The following GOSR2 variants were observed in gnomAD, a reference collection of about 807,000 sequenced individuals.
GOSR2 encodes 27 kDa Golgi SNARE protein.
A neutral mutation model predicts 27.9 loss-of-function variants in GOSR2; 20 were observed. The observed-to-expected ratio is 0.72, with a 90% confidence interval of 0.50 to 1.04. The LOEUF (loss-of-function observed/expected upper bound fraction) is 1.04. GOSR2 is among the 50% of genes least tolerant of loss of function. The pLI, the probability that GOSR2 is intolerant of heterozygous loss-of-function variation, is 0.00. For synonymous variants in GOSR2, 91 were observed against 98.8 expected (o/e 0.92, Z 0.47); for missense variants, 261 against 270.5 (o/e 0.97, Z 0.25).
At chr17:46,923,463 G>A in intron 1 of GOSR2, 1 of 1,406,350 alleles carries the variant, frequency 7.1e-7, no homozygotes, top group Non-Finnish European at 9.2e-7. Flanking sequence ...GCAAGTTCGT[G>A]ACTACCTGCT....
At chr17:46,964,203 C>T (rs2091215367) in intron 6 of GOSR2, 1 of 152,196 alleles carries the variant, frequency 6.6e-6, no homozygotes, top group South Asian at 2.1e-4. Flanking sequence ...CAGTTTCACA[C>T]ATGAGAAAAT....
intron 4 of GOSR2, 32 bp from the exon 5 acceptor site, chr17:46,934,997 A>G (rs1341101747): frequency 1.2e-6 from 2 of 1,605,354 alleles, no homozygotes; most frequent in Non-Finnish European, 1.7e-6. Flanking sequence ...CTGATAAGCA[A>G]AGTTAATCAA....
At chr17:46,926,375 G>C (rs550073915) in intron 1 of GOSR2, among the ~76,000 whole-genome samples, 4 of 152,096 alleles carry the variant, frequency 2.6e-5, no homozygotes, top group African/African-American at 9.7e-5. Flanking sequence ...ATGGGGTGGT[G>C]GGGGGCGGTG....
At chr17:46,960,155 C>T (rs527463771) in intron 6 of GOSR2, among the ~76,000 whole-genome samples, 6 of 152,226 alleles carry the variant, frequency 3.9e-5, no homozygotes, top group African/African-American at 1.4e-4. Flanking sequence ...GCTCTCAAAG[C>T]TCAACAATAA....
Position 46,940,880 on chromosome 17 carries a change from A to G in GOSR2, c.*2120A>G, listed in dbSNP as rs1242992995. On this transcript the variant is annotated 3_prime_UTR_variant, in exon 6 of 6. Coordinates refer to ENST00000640051, the MANE Select transcript of GOSR2 (RefSeq NM_004287.5). ...GGGCATTGAGACTGCATGTTGTCAC[A>G]TGACCACTTCTCTTCACACATCTGC... is the stretch of plus-strand genomic sequence containing the variant. 4 of 1,406,948 alleles carry G rather than the reference A, an allele frequency of 2.8e-6. No individual in the cohort carries two copies. Among genetic ancestry groups the G allele is most frequent in the South Asian group, 3.0e-5 (2 of 67,132 alleles). 87.2% of individuals were successfully genotyped at this position (1,406,948 alleles called of 1,614,324 possible).
intron 6 of GOSR2, among the ~76,000 whole-genome samples, chr17:46,958,512 T>C (rs1193016381): frequency 6.6e-6 from 1 of 152,174 alleles, no homozygotes; most frequent in Non-Finnish European, 1.5e-5. Flanking sequence ...CAAGAGCCAC[T>C]GGAAGTAGGA....
chr17:46,924,545 C>T (rs2086203900), intron 1 of GOSR2: 1 of 152,174 alleles, frequency 6.6e-6, no homozygotes, highest in Admixed American at 6.5e-5. Context: ...ATCACACTCC[C>T]AAGGCCTGGA....
chr17:46,928,224 G>A (rs1223567132), intron 1 of GOSR2, among the ~76,000 whole-genome samples: 2 of 152,166 alleles, frequency 1.3e-5, no homozygotes, highest in Non-Finnish European at 2.9e-5. Flanking sequence ...AGCTCACCCA[G>A]CTTCTTTTGG....
At chr17:46,927,482 T>C (rs947725949) in intron 1 of GOSR2, among the ~76,000 whole-genome samples, 1 of 152,256 alleles carries the variant, frequency 6.6e-6, no homozygotes, top group Non-Finnish European at 1.5e-5. Flanking sequence ...AGGTCATTTA[T>C]GCACACCTGT....
At chr17:46,961,560 G>A (rs1288915196) in intron 6 of GOSR2, among the ~76,000 whole-genome samples, 1 of 152,138 alleles carries the variant, frequency 6.6e-6, no homozygotes, top group African/African-American at 2.4e-5. Context: ...CAAATGAAAA[G>A]TGTAGCAACA....
chr17:46,951,880 T>G (rs551420917), intron 6 of GOSR2, among the ~76,000 whole-genome samples: 5 of 152,038 alleles, frequency 3.3e-5, no homozygotes, highest in Non-Finnish European at 7.3e-5. Flanking sequence ...GGTGTTTGCC[T>G]CGCTGCTTCT....
intron 6 of GOSR2, among the ~76,000 whole-genome samples, chr17:46,952,322 G>A (rs1440676924): frequency 5.9e-5 from 9 of 152,222 alleles, no homozygotes; most frequent in Admixed American, 5.9e-4. Context: ...CAAAGCAGTC[G>A]GTTTGGGGTG....
intron 6 of GOSR2, among the ~76,000 whole-genome samples, chr17:46,951,121 C>A (rs1445276808): frequency 6.6e-6 from 1 of 152,222 alleles, no homozygotes; most frequent in Non-Finnish European, 1.5e-5. Context: ...TTGAGGGCAT[C>A]ATCTCTCCAC....
Position 46,941,956 on chromosome 17 carries a change from G to A in GOSR2, c.*3196G>A. 1.0e-6 allele frequency: 1 copy of A among 985,132 alleles called. No homozygotes were observed. Among genetic ancestry groups the A allele is most frequent in the Non-Finnish European group, 1.2e-6 (1 of 829,756 alleles). The allele number at this position is 985,132 out of a possible 1,614,324, so 61.0% of individuals were successfully genotyped here. ...GACAGAAAGCTTCTGTCTCAAAGAT[G>A]ATCACATTGGTGTAAAGAGCAAAAC... is the stretch of plus-strand genomic sequence containing the variant. On this transcript the variant is annotated 3_prime_UTR_variant, in exon 6 of 6. Coordinates refer to ENST00000640051, the MANE Select transcript of GOSR2 (RefSeq NM_004287.5).
At chr17:46,929,385 A>C in intron 1 of GOSR2, 135 bp from the exon 2 acceptor site, 1 of 700,532 alleles carries the variant, frequency 1.4e-6, no homozygotes, top group Non-Finnish European at 2.6e-6. Context: ...CTAAAGTGCC[A>C]CATACAAATT....
intron 5 of GOSR2, among the ~76,000 whole-genome samples, chr17:46,938,214 G>A (rs2088733767): frequency 6.6e-6 from 1 of 151,722 alleles, no homozygotes; most frequent in Non-Finnish European, 1.5e-5. Flanking sequence ...AGCTTTAATT[G>A]TGGCTTTAGC....
downstream of GOSR2, among the ~76,000 whole-genome samples, chr17:46,944,952 G>C (rs560426012): frequency 6.6e-6 from 1 of 152,270 alleles, no homozygotes; most frequent in East Asian, 1.9e-4. Context: ...TGAGAACCAC[G>C]GCTGTCAGTG....
In GOSR2 at chr17:46,939,754, G is replaced by A; in HGVS notation, c.*994G>A. ...AGTGTGTATGTCCTTGTAACACTCT[G>A]TTTTCAGGGACTACAACCTTTTTCC... On this transcript the variant is annotated 3_prime_UTR_variant, in exon 6 of 6. Coordinates refer to ENST00000640051, the MANE Select transcript of GOSR2 (RefSeq NM_004287.5). 1.0e-6 allele frequency: 1 copy of A among 987,456 alleles called. No individual in the cohort carries two copies. Among genetic ancestry groups the A allele is most frequent in the Non-Finnish European group, 1.2e-6 (1 of 831,282 alleles). The allele number at this position is 987,456 out of a possible 1,614,324, so 61.2% of individuals were successfully genotyped here. A position where few individuals can be genotyped will look rare whatever the true frequency, so the allele number is the denominator to read the frequency against.
intron 5 of GOSR2, 60 bp downstream of exon 5, chr17:46,935,229 T>A (rs775869200): frequency 6.2e-7 from 1 of 1,605,472 alleles, no homozygotes; most frequent in Admixed American, 1.7e-5. Context: ...TCCAACAGTT[T>A]AGTAACTGTG....
Sources: allele counts gnomAD v4.1 joint callset (sites outside exome capture counted in the v4.1 genomes callset), GRCh38; gene constraint gnomAD v4.1.1; transcripts MANE v1.5; gene names NCBI Gene and HGNC (gene_info 2026-07-23, HGNC 2026-07-21).